Variants in PEX3 observed in about 807,000 individuals in gnomAD.
The protein encoded by PEX3 is peroxin-3.
Under a neutral mutation model 55.8 loss-of-function variants are expected in PEX3, and 30 were observed. The observed-to-expected ratio is 0.54, with a 90% CI of 0.40 to 0.73. The LOEUF (loss-of-function observed/expected upper bound fraction) is 0.73. Among genes scored for constraint, PEX3 ranks in the 30% least tolerant of loss-of-function variants. The pLI, the probability that PEX3 is intolerant of heterozygous loss-of-function variation, is 0.00. For synonymous variants in PEX3, 135 were observed against 148.4 expected (o/e 0.91, Z 0.66); for missense variants, 351 against 432.8 (o/e 0.81, Z 1.68).
Position 143,458,694 on chromosome 6 carries a change from C to T in PEX3, c.74-391C>T, listed in dbSNP as rs1779879119. Among the ~76,000 whole-genome samples, 1 of 152,048 alleles carries T rather than the reference C, an allele frequency of 6.6e-6. No individual in the cohort carries two copies. Among genetic ancestry groups the T allele is most frequent in the Admixed American group, 6.6e-5 (1 of 15,260 alleles). On this transcript the variant is annotated intron_variant, in intron 1 of 11. Transcript: ENST00000367591. The surrounding 1 kb of genome is among the most constrained non-coding windows in gnomAD (Gnocchi z 6.1). ...ACCTAACAGTATAACATGGATATTTCCTTGAGTCATTATTTAGCAATGTGG... is the reference window on the plus strand; with the variant it reads ...ACCTAACAGTATAACATGGATATTTTCTTGAGTCATTATTTAGCAATGTGG...
chr6:143,471,021 T>A lies in PEX3; in HGVS notation c.392T>A (p.Val131Asp). The A allele has an allele frequency of 6.2e-7, 1 of 1,612,912 alleles. No individual in the cohort carries two copies. The highest frequency in any genetic ancestry group is 8.5e-7 in the Non-Finnish European group (1 of 1,179,018). ...STCMLVVLLR[V>D]QLNIIGGYIY... ...TGTATGCTGGTTGTTCTTTTGCGGGTCCAGTTAAACATAATTGGTGGATAT... is the reference window on the plus strand; with the variant it reads ...TGTATGCTGGTTGTTCTTTTGCGGGACCAGTTAAACATAATTGGTGGATAT... Residue 131 changes from valine to aspartate, a missense_variant, in exon 5 of 12, where the codon GTC becomes GAC. By Grantham distance (152) the Val-to-Asp change is radical (BLOSUM62 -3). Coordinates refer to ENST00000367591, the MANE Select transcript of PEX3 (RefSeq NM_003630.3). The surrounding 1 kb of genome is among the most constrained non-coding windows in gnomAD (Gnocchi z 5.4).
Position 143,462,736 on chromosome 6 carries a change from A to T in PEX3, c.206-180A>T, listed in dbSNP as rs1779940975. Among the ~76,000 whole-genome samples the T allele has an allele frequency of 1.3e-5, 2 of 152,178 alleles. No individual in the cohort carries two copies. Among genetic ancestry groups the T allele is most frequent in the Admixed American group, 1.3e-4 (2 of 15,280 alleles). ...GTTAAATTACATAAGCAGATAAATG[A>T]TTTGTTAGGATATAATCGTTTTATA... On this transcript the variant is annotated intron_variant, in intron 2 of 11. Coordinates refer to ENST00000367591, the MANE Select transcript of PEX3 (RefSeq NM_003630.3). The surrounding 1 kb of genome is among the most constrained non-coding windows in gnomAD (Gnocchi z 4.1).
At chr6:143,470,569 C>T (rs1314567670) in intron 4 of PEX3, among the ~76,000 whole-genome samples, 1 of 152,196 alleles carries the variant, frequency 6.6e-6, no homozygotes, top group Non-Finnish European at 1.5e-5. Context: ...CAGGCTCATC[C>T]TCCTCGGGCT....
chr6:143,469,854 T>C (rs1780045836), intron 4 of PEX3, among the ~76,000 whole-genome samples: 1 of 152,218 alleles, frequency 6.6e-6, no homozygotes, highest in Non-Finnish European at 1.5e-5. Context: ...AATTTTTGTA[T>C]AAGGTGTGAG....
At chr6:143,456,847 T>C (rs1465226007) in intron 1 of PEX3, among the ~76,000 whole-genome samples, 1 of 152,230 alleles carries the variant, frequency 6.6e-6, no homozygotes, top group Non-Finnish European at 1.5e-5. Context: ...AACTAACTAC[T>C]CTGTAATGTT....
At position 143,471,531 on chromosome 6, in the gene PEX3, T is replaced by C. The variant is rs770025999; in HGVS notation, c.524-26T>C. 6.3e-7 allele frequency: 1 copy of C among 1,595,396 alleles called. No homozygotes were observed. Among genetic ancestry groups the C allele is most frequent in the African/African-American group, 1.3e-5 (1 of 74,578 alleles). On this transcript the variant is annotated intron_variant, in intron 6 of 11. Coordinates refer to ENST00000367591, the MANE Select transcript of PEX3 (RefSeq NM_003630.3). The surrounding 1 kb of genome is among the most constrained non-coding windows in gnomAD (Gnocchi z 5.4). The stretch of plus-strand genomic sequence containing the variant: ...GAGGAATTTTTAAACTAAGCAAGGC[T>C]TTTAGGTTTGTTTTTTCTTTAATAG...
chr6:143,479,062 CTTACT>C lies in PEX3; in HGVS notation c.819-10_819-6del, dbSNP rs1780192064. 1 of 1,516,922 alleles carries C rather than the reference CTTACT, an allele frequency of 6.6e-7. No individual in the cohort carries two copies. Among genetic ancestry groups the C allele is most frequent in the Non-Finnish European group, 9.2e-7 (1 of 1,092,348 alleles). The allele number at this position is 1,516,922 out of a possible 1,614,324, so 94.0% of individuals were successfully genotyped here. A position where few individuals can be genotyped will look rare whatever the true frequency, so the allele number is the denominator to read the frequency against. ...AGAGTCTAAAAAGTAACTTATACTTCTTACTTTATATAGCCCAGATTTTAGTACAG... is the reference window on the plus strand; with the variant it reads ...AGAGTCTAAAAAGTAACTTATACTTCTTATATAGCCCAGATTTTAGTACAG... On this transcript the variant is annotated splice_polypyrimidine_tract_variant and intron_variant, in intron 9 of 11. Transcript: ENST00000367591. The surrounding 1 kb of genome is among the most constrained non-coding windows in gnomAD (Gnocchi z 4.6).
At chr6:143,452,953 A>G (rs1479961174) in intron 1 of PEX3, among the ~76,000 whole-genome samples, 4 of 152,246 alleles carry the variant, frequency 2.6e-5, no homozygotes, top group Non-Finnish European at 5.9e-5. Flanking sequence ...ATTTAAGCAG[A>G]ATGACAAGAA....
At position 143,475,729 on chromosome 6, in the gene PEX3, C is replaced by T. The variant is rs1315277908; in HGVS notation, c.818+873C>T. ...TTCTTTCTTCATTGGCAACTGCCTC[C>T]CAGGCAATGTTTTATACTCCCATTA... On this transcript the variant is annotated intron_variant, in intron 9 of 11. Transcript: ENST00000367591. The surrounding 1 kb of genome is among the most constrained non-coding windows in gnomAD (Gnocchi z 4.4). Among the ~76,000 whole-genome samples, 1 of 152,196 alleles carries T rather than the reference C, an allele frequency of 6.6e-6. No homozygotes were observed. Among genetic ancestry groups the T allele is most frequent in the East Asian group, 1.9e-4 (1 of 5,202 alleles).
chr6:143,471,357 T>C lies in PEX3; in HGVS notation c.457-26T>C, dbSNP rs75545467. ...ATTTACCAGTTTAAAACTTGGATAA[T>C]TGAACTGTATTTCTGTTTTATACAG... On this transcript the variant is annotated intron_variant, in intron 5 of 11. Transcript: ENST00000367591. The surrounding 1 kb of genome is among the most constrained non-coding windows in gnomAD (Gnocchi z 5.4). The C allele has an allele frequency of 2.0e-6, 3 of 1,511,906 alleles. No homozygotes were observed. The highest frequency in any genetic ancestry group is 2.8e-6 in the Non-Finnish European group (3 of 1,088,570). The allele number at this position is 1,511,906 out of a possible 1,614,324, so 93.7% of individuals were successfully genotyped here.
chr6:143,468,250 T>C, intron 4 of PEX3, 85 bp downstream of exon 4: 2 of 871,918 alleles, frequency 2.3e-6, no homozygotes, highest in Non-Finnish European at 3.8e-6. Context: ...TGACTCTTCT[T>C]TACCTGCCTT....
chr6:143,464,102 T>C lies in PEX3; in HGVS notation c.287+1105T>C, dbSNP rs1779960223. On this transcript the variant is annotated intron_variant, in intron 3 of 11. Coordinates refer to ENST00000367591, the MANE Select transcript of PEX3 (RefSeq NM_003630.3). This position sits in a 1 kb window ranked among gnomAD's most constrained non-coding sequence, Gnocchi z 5.8. ...AAGGTTTAGCTTATAAATTAGTTCA[T>C]ACAGTTTTATGAAGAAGAAACATAT... is the stretch of plus-strand genomic sequence containing the variant. Among the ~76,000 whole-genome samples the C allele has an allele frequency of 6.6e-6, 1 of 152,092 alleles. No homozygotes were observed. The highest frequency in any genetic ancestry group is 1.5e-5 in the Non-Finnish European group (1 of 67,962).
At chr6:143,470,799 G>A (rs1780063292) in intron 4 of PEX3, among the ~76,000 whole-genome samples, 162 bp from the exon 5 acceptor site, 1 of 152,136 alleles carries the variant, frequency 6.6e-6, no homozygotes, top group Non-Finnish European at 1.5e-5. Flanking sequence ...AAACAATTGT[G>A]AGGAGAGACT....
rs1485278446 is a variant in PEX3, at chr6:143,476,950, G to T, written c.818+2094G>T. On this transcript the variant is annotated intron_variant, in intron 9 of 11. Transcript: ENST00000367591. This position sits in a 1 kb window ranked among gnomAD's most constrained non-coding sequence, Gnocchi z 5.4. ...AGCCAGCAAAGGAGACTGAGTAGGA[G>T]CTGCCAGCGAAAGAAAAGAAACACC... 6.6e-6 allele frequency among the ~76,000 whole-genome samples: 1 copy of T among 152,158 alleles called. No homozygotes were observed. The highest frequency in any genetic ancestry group is 1.5e-5 in the Non-Finnish European group (1 of 68,016).
In PEX3 at chr6:143,489,403, G is replaced by C. The variant is rs932465315; in HGVS notation, c.*177G>C. ...TTTGGCATCTTAATATATTTTTTTA[G>C]ATTCATCAACAGACCAGTTTTTGTG... is the stretch of plus-strand genomic sequence containing the variant. On this transcript the variant is annotated 3_prime_UTR_variant, in exon 12 of 12. Transcript: ENST00000367591. This position sits in a 1 kb window ranked among gnomAD's most constrained non-coding sequence, Gnocchi z 5.5. 3.3e-4 allele frequency: 176 copies of C among 539,636 alleles called. No individual in the cohort carries two copies. In the Middle Eastern group the frequency reaches 4.2e-3, roughly 13 times the overall value. The allele number at this position is 539,636 out of a possible 1,614,324, so 33.4% of individuals were successfully genotyped here.
In PEX3 at chr6:143,486,222, C is replaced by T. The variant is rs1010252280; in HGVS notation, c.1038+974C>T. 6.6e-5 allele frequency among the ~76,000 whole-genome samples: 10 copies of T among 152,120 alleles called. No homozygotes were observed. Among genetic ancestry groups the T allele is most frequent in the African/African-American group, 2.4e-4 (10 of 41,438 alleles). ...AAGAAATAGTGAATAAGACTGATCT[C>T]ATTTTACTGAATGTTAAGCTTCACA... On this transcript the variant is annotated intron_variant, in intron 11 of 11. Coordinates refer to ENST00000367591, the MANE Select transcript of PEX3 (RefSeq NM_003630.3). The surrounding 1 kb of genome is among the most constrained non-coding windows in gnomAD (Gnocchi z 5.0).
In PEX3 at chr6:143,465,750, C is replaced by T. The variant is rs1779983240; in HGVS notation, c.288-2372C>T. On this transcript the variant is annotated intron_variant, in intron 3 of 11. Coordinates refer to ENST00000367591, the MANE Select transcript of PEX3 (RefSeq NM_003630.3). The surrounding 1 kb of genome is among the most constrained non-coding windows in gnomAD (Gnocchi z 4.7). ...AGATTAAGGTTGCAGCAGTGTCTTGCATGAGTTACTCAACACATTTTCTGA... is the reference window on the plus strand; with the variant it reads ...AGATTAAGGTTGCAGCAGTGTCTTGTATGAGTTACTCAACACATTTTCTGA... Among the ~76,000 whole-genome samples the T allele has an allele frequency of 1.3e-5, 2 of 151,978 alleles. No homozygotes were observed. The highest frequency in any genetic ancestry group is 4.8e-5 in the African/African-American group (2 of 41,420).
At position 143,487,223 on chromosome 6, in the gene PEX3, C is replaced by T. The variant is rs1447103358; in HGVS notation, c.1039-1920C>T. ...GATACATAATTTTTATCTCAGACTA[C>T]TGAAACATCCTAGAAGCTGCATCAG... is the stretch of plus-strand genomic sequence containing the variant. On this transcript the variant is annotated intron_variant, in intron 11 of 11. Transcript: ENST00000367591. This position sits in a 1 kb window ranked among gnomAD's most constrained non-coding sequence, Gnocchi z 5.3. Among the ~76,000 whole-genome samples the T allele has an allele frequency of 1.3e-5, 2 of 152,148 alleles. No individual in the cohort carries two copies. Among genetic ancestry groups the T allele is most frequent in the African/African-American group, 4.8e-5 (2 of 41,428 alleles).
At position 143,454,664 on chromosome 6, in the gene PEX3, C is replaced by T. The variant is rs1779818188; in HGVS notation, c.73+3549C>T. ...ATAAAAGTAGTATGATAGTATAGTA[C>T]AAAAATAGAGCAGGGTGTTGTGGGA... On this transcript the variant is annotated intron_variant, in intron 1 of 11. Transcript: ENST00000367591. The surrounding 1 kb of genome is among the most constrained non-coding windows in gnomAD (Gnocchi z 4.3). Among the ~76,000 whole-genome samples the T allele has an allele frequency of 6.6e-6, 1 of 151,978 alleles. No individual in the cohort carries two copies. Among genetic ancestry groups the T allele is most frequent in the South Asian group, 2.1e-4 (1 of 4,806 alleles).
Sources: allele counts gnomAD v4.1 joint callset (sites outside exome capture counted in the v4.1 genomes callset), GRCh38; gene constraint gnomAD v4.1.1; non-coding constraint Gnocchi (gnomAD v3.1); transcripts MANE v1.5; gene names NCBI Gene and HGNC (gene_info 2026-07-23, HGNC 2026-07-21).